Variants in PUM1 observed in about 807,000 individuals in gnomAD.
The protein encoded by PUM1 is pumilio RNA binding family member 1.
In PUM1, 13 loss-of-function variants were observed where a neutral mutation model predicts 131.8. That is an observed-to-expected ratio of 0.10 (90% CI 0.06 to 0.16). The LOEUF (loss-of-function observed/expected upper bound fraction) is 0.16, where lower values mean the gene tolerates loss of function less well. PUM1 is among the 10% of genes least tolerant of loss of function. The pLI, the probability that PUM1 is intolerant of heterozygous loss-of-function variation, is 1.00. For missense variants in PUM1, 961 were observed against 1,512.4 expected, an observed-to-expected ratio of 0.64 and a Z score of 6.05; for synonymous variants, 509 against 556.5, an observed-to-expected ratio of 0.91 and a Z score of 1.20.
rs536523431 is a variant in PUM1, at chr1:31,015,063, A to G, written c.433-7961T>C. ...CATGTAATATTTATAAAATAACATT[A>G]AATTTTAAAAGTAAAATACAAAATT... On this transcript the variant is annotated intron_variant, in intron 3 of 21. Transcript: ENST00000426105. 1.1e-4 allele frequency among the ~76,000 whole-genome samples: 17 copies of G among 152,350 alleles called. No individual in the cohort carries two copies. The Middle Eastern group carries it at 0.014, about 122-fold the overall frequency.
In PUM1 at chr1:31,005,883, C is replaced by T. The variant is rs1346460333; in HGVS notation, c.690G>A (p.Pro230=). The T allele has an allele frequency of 8.7e-6, 14 of 1,605,840 alleles. No homozygotes were observed. The highest frequency in any genetic ancestry group is 5.2e-5 in the Admixed American group (3 of 57,726). The change falls in exon 5 of 22, where the codon CCG becomes CCA. Residue 230 remains proline (P), a synonymous_variant. Coordinates refer to ENST00000426105, the MANE Select transcript of PUM1 (RefSeq NM_001020658.2). ...CTCCTTTTCTTAGACAGGAATCGCCCGGGGATGAGCTCAACACATACTCCA... is the reference window on the plus strand; with the variant it reads ...CTCCTTTTCTTAGACAGGAATCGCCTGGGGATGAGCTCAACACATACTCCA... The part of the protein sequence containing the change: ...SMVEYVLSSS[P]GDSCLRKGGF...
intron 20 of PUM1, among the ~76,000 whole-genome samples, chr1:30,937,383 G>A (rs1368047280): frequency 6.6e-6 from 1 of 152,156 alleles, no homozygotes; most frequent in Non-Finnish European, 1.5e-5. Context: ...GTGCATGCCT[G>A]TAATCCCAGC....
chr1:31,020,117 A>G (rs1318527160), intron 3 of PUM1, among the ~76,000 whole-genome samples: 3 of 152,046 alleles, frequency 2.0e-5, no homozygotes, highest in Non-Finnish European at 4.4e-5. Flanking sequence ...CTTTATGTCT[A>G]TGTGTACCCA....
chr1:31,050,064 C>A (rs1644072713), intron 2 of PUM1, among the ~76,000 whole-genome samples: 1 of 151,968 alleles, frequency 6.6e-6, no homozygotes, highest in South Asian at 2.1e-4. Flanking sequence ...CTCCTGACCT[C>A]AGGTGATCCG....
chr1:31,060,903 T>A (rs962903169), intron 1 of PUM1, among the ~76,000 whole-genome samples: 30 of 147,056 alleles, frequency 2.0e-4, no homozygotes, highest in East Asian at 1.4e-3. Context: ...AAAAAAAAAA[T>A]AATAAATAAA....
intron 2 of PUM1, among the ~76,000 whole-genome samples, chr1:31,029,547 C>T (rs1643341982): frequency 6.6e-6 from 1 of 152,204 alleles, no homozygotes; most frequent in African/African-American, 2.4e-5. Flanking sequence ...AAGGTAATAA[C>T]ATCAAGGATG....
intron 14 of PUM1, among the ~76,000 whole-genome samples, chr1:30,955,833 C>G (rs1640141187): frequency 6.6e-6 from 1 of 152,140 alleles, no homozygotes; most frequent in African/African-American, 2.4e-5. Flanking sequence ...GTGATGAAAC[C>G]AAAAGAAAAT....
At chr1:30,988,238 C>T (rs976734208) in intron 7 of PUM1, among the ~76,000 whole-genome samples, 1 of 152,190 alleles carries the variant, frequency 6.6e-6, no homozygotes, top group African/African-American at 2.4e-5. Flanking sequence ...ACCAGACAAC[C>T]AACTGACTCA....
chr1:31,053,766 G>C (rs1644168482), intron 2 of PUM1, among the ~76,000 whole-genome samples: 1 of 151,816 alleles, frequency 6.6e-6, no homozygotes, highest in Non-Finnish European at 1.5e-5. Flanking sequence ...GTGAGCCACT[G>C]CGTCCAGCCA....
At chr1:31,048,174 G>A (rs1644014999) in intron 2 of PUM1, among the ~76,000 whole-genome samples, 1 of 151,754 alleles carries the variant, frequency 6.6e-6, no homozygotes, top group Admixed American at 6.6e-5. Flanking sequence ...AGGAGGCAGA[G>A]CTTGCAGTGA....
rs966740227 is a variant in PUM1, at chr1:30,961,967, T to C, written c.2323+2707A>G. 2.6e-5 allele frequency among the ~76,000 whole-genome samples: 4 copies of C among 152,172 alleles called. No homozygotes were observed. The East Asian group carries it at 7.7e-4, about 29-fold the overall frequency. ...ATATTAGGTGTGGGCCAGAAAGAAATGTTATGTTTCTTATACTAAAATGTC... is the reference window on the plus strand; with the variant it reads ...ATATTAGGTGTGGGCCAGAAAGAAACGTTATGTTTCTTATACTAAAATGTC... On this transcript the variant is annotated intron_variant, in intron 14 of 21. Transcript: ENST00000426105.
intron 18 of PUM1, among the ~76,000 whole-genome samples, chr1:30,943,541 C>G (rs148348164): frequency 1.3e-5 from 2 of 152,256 alleles, no homozygotes; most frequent in South Asian, 4.1e-4. Context: ...TGTGAACCAC[C>G]GTGCCCGGCC....
chr1:30,936,260 T>C (rs1370412117), intron 21 of PUM1, among the ~76,000 whole-genome samples: 1 of 151,970 alleles, frequency 6.6e-6, no homozygotes, highest in African/African-American at 2.4e-5. Flanking sequence ...TTCAGGTCAA[T>C]GTACCAGGCT....
At chr1:31,030,213 A>AC (rs1311636076) in intron 2 of PUM1, among the ~76,000 whole-genome samples, 6 of 152,136 alleles carry the variant, frequency 3.9e-5, no homozygotes, top group African/African-American at 1.4e-4. Flanking sequence ...TGTCTCAAAA[A>AC]AAAACAAAAC....
intron 5 of PUM1, among the ~76,000 whole-genome samples, chr1:30,997,830 C>T (rs1378626626): frequency 1.3e-5 from 2 of 152,082 alleles, no homozygotes; most frequent in African/African-American, 2.4e-5. Flanking sequence ...TCAGCCTCCC[C>T]AGTAGCAAAG....
chr1:30,969,524 T>G (rs1034697358), intron 10 of PUM1, among the ~76,000 whole-genome samples: 1 of 152,124 alleles, frequency 6.6e-6, no homozygotes, highest in African/African-American at 2.4e-5. Context: ...CCAGATTCGA[T>G]TTGGTAGGGC....
intron 5 of PUM1, among the ~76,000 whole-genome samples, chr1:30,998,339 A>AT (rs1642059528): frequency 6.6e-6 from 1 of 152,238 alleles, no homozygotes; most frequent in African/African-American, 2.4e-5. Flanking sequence ...AAAGTCTGTT[A>AT]TTAAGAGATA....
chr1:30,985,470 T>C (rs769561643), intron 7 of PUM1, among the ~76,000 whole-genome samples: 1 of 151,864 alleles, frequency 6.6e-6, no homozygotes, highest in African/African-American at 2.4e-5. Flanking sequence ...CTGACCAATA[T>C]GGAGAAACCC....
At chr1:31,043,328 G>A (rs1643882026) in intron 2 of PUM1, among the ~76,000 whole-genome samples, 1 of 151,596 alleles carries the variant, frequency 6.6e-6, no homozygotes, top group African/African-American at 2.4e-5. Context: ...TCAGCCACCT[G>A]AGAACCTGGG....
Sources: allele counts gnomAD v4.1 joint callset (sites outside exome capture counted in the v4.1 genomes callset), GRCh38; gene constraint gnomAD v4.1.1; transcripts MANE v1.5; gene names NCBI Gene and HGNC (gene_info 2026-07-23, HGNC 2026-07-21).